GALNTL6: variants seen among roughly 807,000 people sequenced by gnomAD.
GALNTL6 encodes polypeptide N-acetylgalactosaminyltransferase like 6.
A neutral mutation model predicts 73.7 loss-of-function variants in GALNTL6; 46 were observed. The observed-to-expected ratio is 0.62, with a 90% confidence interval of 0.49 to 0.80. GALNTL6 has a LOEUF of 0.80. Among genes scored for constraint, GALNTL6 ranks in the 30% least tolerant of loss-of-function variants. The probability of loss-of-function intolerance (pLI) is 0.00; values close to 1 mark genes in which losing one functional copy is unlikely to be tolerated. For missense variants in GALNTL6, 604 were observed against 755.0 expected, an observed-to-expected ratio of 0.80 and a Z score of 2.34; for synonymous variants, 259 against 263.7, an observed-to-expected ratio of 0.98 and a Z score of 0.17.
chr4:172,318,865 G>T (rs1319649861), intron 4 of GALNTL6, among the ~76,000 whole-genome samples: 1 of 152,114 alleles, frequency 6.6e-6, no homozygotes, highest in African/African-American at 2.4e-5. Context: ...AAAATCATGT[G>T]TGTTGAATAT....
chr4:172,871,448 A>G lies in GALNTL6; in HGVS notation c.924-11342A>G, dbSNP rs111351093. On this transcript the variant is annotated intron_variant, in intron 7 of 12. Coordinates refer to ENST00000506823, the MANE Select transcript of GALNTL6 (RefSeq NM_001034845.3). ...AGGCTCTTCAGATATGGCTATACTG[A>G]TCTACTTTTCCTTCATTCTTTTTCC... Among the ~76,000 whole-genome samples, 47 of 151,950 alleles carry G rather than the reference A, an allele frequency of 3.1e-4. 1 individual carries two copies. The highest frequency in any genetic ancestry group is 9.6e-4 in the African/African-American group (40 of 41,482).
intron 2 of GALNTL6, among the ~76,000 whole-genome samples, chr4:171,942,779 T>C (rs1174764400): frequency 6.6e-6 from 1 of 152,212 alleles, no homozygotes; most frequent in Admixed American, 6.5e-5. Context: ...ATATGCTCAA[T>C]TACGAATGGG....
chr4:172,315,819 G>A (rs1740525358), intron 4 of GALNTL6, among the ~76,000 whole-genome samples: 1 of 151,908 alleles, frequency 6.6e-6, no homozygotes, highest in Non-Finnish European at 1.5e-5. Flanking sequence ...CTCCACTTGT[G>A]TATTGATTTT....
At chr4:172,947,043 CAGA>C (rs904345515) in intron 9 of GALNTL6, among the ~76,000 whole-genome samples, 3 of 151,972 alleles carry the variant, frequency 2.0e-5, no homozygotes, top group East Asian at 3.9e-4. Flanking sequence ...AGCTAAAAGA[CAGA>C]AGGAGGAAAT....
chr4:172,277,616 T>C (rs1374669739), intron 3 of GALNTL6, among the ~76,000 whole-genome samples: 1 of 152,208 alleles, frequency 6.6e-6, no homozygotes, highest in Non-Finnish European at 1.5e-5. Context: ...TACGAACAAT[T>C]AATTCAGCCA....
chr4:172,254,382 A>G lies in GALNTL6; in HGVS notation c.247+24618A>G, dbSNP rs368846265. Among the ~76,000 whole-genome samples the G allele has an allele frequency of 5.9e-5, 9 of 151,882 alleles. No individual in the cohort carries two copies. In the South Asian group the frequency reaches 1.7e-3, roughly 28 times the overall value. Reference sequence around the variant, plus strand: ...TCTTTTAACTCAGTTCTGCCTTTGAAATTCTAATGATACAAGTCGTTTTGC... The same window carrying G: ...TCTTTTAACTCAGTTCTGCCTTTGAGATTCTAATGATACAAGTCGTTTTGC... On this transcript the variant is annotated intron_variant, in intron 3 of 12. Transcript: ENST00000506823.
chr4:171,963,332 A>G (rs775801979), intron 2 of GALNTL6, among the ~76,000 whole-genome samples: 1 of 152,146 alleles, frequency 6.6e-6, no homozygotes, highest in Non-Finnish European at 1.5e-5. Context: ...GTAAGTTTAC[A>G]TATCCATATA....
At chr4:172,711,127 G>C (rs1214689236) in intron 5 of GALNTL6, among the ~76,000 whole-genome samples, 1 of 152,094 alleles carries the variant, frequency 6.6e-6, no homozygotes, top group Non-Finnish European at 1.5e-5. Context: ...GGGTGTATGC[G>C]GTAGGAGGAA....
At chr4:172,668,999 A>G (rs1017317147) in intron 5 of GALNTL6, 2 of 151,996 alleles carry the variant, frequency 1.3e-5, no homozygotes, top group Non-Finnish European at 2.9e-5. Flanking sequence ...GAGACATTTT[A>G]TGGAAAAAAA....
At chr4:172,830,194 G>A (rs1742545515) in intron 7 of GALNTL6, among the ~76,000 whole-genome samples, 1 of 152,106 alleles carries the variant, frequency 6.6e-6, no homozygotes, top group Non-Finnish European at 1.5e-5. Context: ...TTATACTTTT[G>A]ACATGGCAGA....
rs1475302268 is a variant in GALNTL6 at position 172,508,876 on chromosome 4, T to C, written c.553+160187T>C. 2.0e-4 allele frequency among the ~76,000 whole-genome samples: 9 copies of C among 45,804 alleles called. 3 individuals are homozygous for C. The highest frequency in any genetic ancestry group is 5.0e-4 in the African/African-American group (9 of 18,036). The allele number at this position is 45,804 out of a possible 152,430, so 30.0% of individuals were successfully genotyped here. ...TTGTGCTGCTATAAACATGTGTGTG[T>C]GTCTTTTTTGTATAATGACTTTTTT... On this transcript the variant is annotated intron_variant, in intron 5 of 12. Coordinates refer to ENST00000506823, the MANE Select transcript of GALNTL6 (RefSeq NM_001034845.3).
chr4:172,141,533 T>G lies in GALNTL6; in HGVS notation c.139-88123T>G, dbSNP rs373531845. On this transcript the variant is annotated intron_variant, in intron 2 of 12. Transcript: ENST00000506823. ...GTAATTAGTTTAAGTCAACTCAAGG[T>G]AAAAATAAGCAACTTGCTGTTGAAC... Among the ~76,000 whole-genome samples the G allele has an allele frequency of 3.3e-5, 5 of 151,898 alleles. No individual in the cohort carries two copies. The East Asian group carries it at 7.7e-4, about 23-fold the overall frequency.
At chr4:171,876,889 G>T (rs1001383880) in intron 2 of GALNTL6, among the ~76,000 whole-genome samples, 1 of 152,144 alleles carries the variant, frequency 6.6e-6, no homozygotes, top group Non-Finnish European at 1.5e-5. Flanking sequence ...TTTCAACCAC[G>T]TTTGGGTGAT....
At chr4:172,750,229 A>G (rs558092783) in intron 5 of GALNTL6, among the ~76,000 whole-genome samples, 2 of 152,352 alleles carry the variant, frequency 1.3e-5, no homozygotes, top group South Asian at 2.1e-4. Context: ...TCAATAACAC[A>G]ACTTCAACAA....
chr4:173,009,617 G>A (rs1279658463), intron 11 of GALNTL6, among the ~76,000 whole-genome samples: 2 of 152,194 alleles, frequency 1.3e-5, no homozygotes, highest in African/African-American at 4.8e-5. Context: ...GAGGAAGCCT[G>A]TAGAGTGCTT....
At chr4:171,905,254 C>T (rs915357651) in intron 2 of GALNTL6, among the ~76,000 whole-genome samples, 6 of 152,034 alleles carry the variant, frequency 3.9e-5, no homozygotes, top group African/African-American at 1.4e-4. Flanking sequence ...AAACCCATCT[C>T]ACATGCAGAG....
chr4:172,882,801 T>C lies in GALNTL6; in HGVS notation c.935T>C (p.Met312Thr). 2 of 1,607,976 alleles carry C rather than the reference T, an allele frequency of 1.2e-6. No individual in the cohort carries two copies. The highest frequency in any genetic ancestry group is 1.7e-6 in the Non-Finnish European group (2 of 1,174,542). The change falls in exon 8 of 13, where the codon ATG (methionine) becomes ACG (threonine). Residue 312 changes from methionine (M) to threonine (T), a missense_variant. Transcript: ENST00000506823. ...TGTTCATTTCACAGGTCTCCTGTTA[T>C]GGCTGGAGGTCTCTTTGCTGTGGAT... Reference protein sequence around the residue: ...DPSDPFESPVMAGGLFAVDRK... With the variant: ...DPSDPFESPVTAGGLFAVDRK...
intron 3 of GALNTL6, among the ~76,000 whole-genome samples, chr4:172,309,565 T>A (rs1022031434): frequency 6.6e-6 from 1 of 152,070 alleles, no homozygotes; most frequent in Non-Finnish European, 1.5e-5. Flanking sequence ...AGCTTAATTC[T>A]GTAATACTTA....
At chr4:172,341,458 A>C in intron 4 of GALNTL6, among the ~76,000 whole-genome samples, 1 of 151,280 alleles carries the variant, frequency 6.6e-6, no homozygotes, top group Admixed American at 6.6e-5. Context: ...CTCAAAAAAA[A>C]AAAAAAAAAA....
Sources: allele counts gnomAD v4.1 joint callset (sites outside exome capture counted in the v4.1 genomes callset), GRCh38; gene constraint gnomAD v4.1.1; transcripts MANE v1.5; gene names NCBI Gene and HGNC (gene_info 2026-07-23, HGNC 2026-07-21).